AJAP1: variants seen among roughly 807,000 people sequenced by gnomAD.
AJAP1 encodes adherens junction-associated protein 1.
A neutral mutation model predicts 35.0 loss-of-function variants in AJAP1; 5 were observed. The observed-to-expected ratio is 0.14, with a 90% CI of 0.07 to 0.30. AJAP1 has a LOEUF of 0.30. Among genes scored for constraint, AJAP1 ranks in the 10% least tolerant of loss-of-function variants. AJAP1 has a pLI of 1.00. For synonymous variants in AJAP1, 284 were observed against 249.3 expected, an observed-to-expected ratio of 1.14 and a Z score of -1.31; for missense variants, 586 against 571.0, an observed-to-expected ratio of 1.03 and a Z score of -0.27.
Position 4,712,076 on chromosome 1 carries a change from G to A in AJAP1, c.206G>A (p.Gly69Glu). The A allele has an allele frequency of 6.3e-7, 1 of 1,575,730 alleles. No homozygotes were observed. The highest frequency in any genetic ancestry group is 8.6e-7 in the Non-Finnish European group (1 of 1,165,808). Residue 69 changes from glycine (G) to glutamate (E), a missense_variant, in exon 2 of 6, where the codon GGA (glycine) becomes GAA (glutamate). Transcript: ENST00000378191. ...CCCCGGCTGTGGAGTTTTAGGAGTG[G>A]ACAGCCAGCGCGGGTCCCGGCCCCG... is the stretch of plus-strand genomic sequence containing the variant. ...RPPRLWSFRS[G>E]QPARVPAPVW...
chr1:4,682,793 GTAATGATGA>G (rs1007185420), intron 1 of AJAP1, among the ~76,000 whole-genome samples: 1 of 152,042 alleles, frequency 6.6e-6, no homozygotes, highest in Non-Finnish European at 1.5e-5. Context: ...GAGGATAGTG[GTAATGATGA>G]TAATGATGAT....
intron 1 of AJAP1, among the ~76,000 whole-genome samples, chr1:4,701,437 C>T (rs1427570481): frequency 6.6e-6 from 1 of 152,186 alleles, no homozygotes; most frequent in Non-Finnish European, 1.5e-5. Context: ...AGCTGTAGGT[C>T]AGCCATGGAG....
rs373921929 is a variant in AJAP1 at position 4,755,032 on chromosome 1, G to A, written c.830-14821G>A. Among the ~76,000 whole-genome samples, 57 of 152,296 alleles carry A rather than the reference G, an allele frequency of 3.7e-4. No homozygotes were observed. In the East Asian group the frequency reaches 0.01, roughly 28 times the overall value. ...TCTCTGCCTTGGAGCCAGGTGGTAT[G>A]AGCACAGGGATTCTCACCATGTGCC... On this transcript the variant is annotated intron_variant, in intron 2 of 5. Coordinates refer to ENST00000378191, the MANE Select transcript of AJAP1 (RefSeq NM_018836.4).
intron 5 of AJAP1, among the ~76,000 whole-genome samples, chr1:4,780,397 C>T (rs1642035650): frequency 1.3e-5 from 2 of 151,944 alleles, no homozygotes; most frequent in African/African-American, 4.8e-5. Flanking sequence ...GCATTCGTCT[C>T]TACATTTTTT....
At chr1:4,740,017 T>C (rs1008312104) in intron 2 of AJAP1, among the ~76,000 whole-genome samples, 2 of 152,004 alleles carry the variant, frequency 1.3e-5, no homozygotes, top group Non-Finnish European at 2.9e-5. Context: ...CCTGACGGGG[T>C]GTATCTAAAA....
At chr1:4,780,309 C>G (rs1411033612) in intron 5 of AJAP1, among the ~76,000 whole-genome samples, 1 of 152,002 alleles carries the variant, frequency 6.6e-6, no homozygotes, top group African/African-American at 2.4e-5. Context: ...CGTCTCCCCC[C>G]ATCCCCTGGC....
chr1:4,751,286 G>T (rs1019426747), intron 2 of AJAP1, among the ~76,000 whole-genome samples: 2 of 152,184 alleles, frequency 1.3e-5, no homozygotes, highest in South Asian at 4.1e-4. Flanking sequence ...CTCTTCCCTG[G>T]TGGAGGTGGC....
In AJAP1 at chr1:4,787,705, A is replaced by C. The variant is rs1642182168; in HGVS notation, c.*5220A>C. On this transcript the variant is annotated 3_prime_UTR_variant, in exon 6 of 6. Coordinates refer to ENST00000378191, the MANE Select transcript of AJAP1 (RefSeq NM_018836.4). ...CCCTCCCATGTTGGTCCCATCTGTC[A>C]GGTTGCCAGGCCAAGCAGGTCTCAG... is the stretch of plus-strand genomic sequence containing the variant. The C allele has an allele frequency of 2.2e-6, 1 of 455,934 alleles. No homozygotes were observed. Among genetic ancestry groups the C allele is most frequent in the Admixed American group, 2.4e-5 (1 of 42,542 alleles). The allele number at this position is 455,934 out of a possible 1,614,324, so 28.2% of individuals were successfully genotyped here. A position where few individuals can be genotyped will look rare whatever the true frequency, so the allele number is the denominator to read the frequency against.
At chr1:4,713,337 A>G (rs1640311845) in intron 2 of AJAP1, among the ~76,000 whole-genome samples, 1 of 152,236 alleles carries the variant, frequency 6.6e-6, no homozygotes. Context: ...GGGATGTGTC[A>G]GGAGGGTGTT....
chr1:4,774,093 G>C (rs1048221217), intron 4 of AJAP1, among the ~76,000 whole-genome samples: 3 of 152,246 alleles, frequency 2.0e-5, no homozygotes, highest in African/African-American at 7.2e-5. Flanking sequence ...GCCATCAGAG[G>C]CAGAGACCCC....
chr1:4,722,268 T>C (rs1311831167), intron 2 of AJAP1, among the ~76,000 whole-genome samples: 1 of 152,148 alleles, frequency 6.6e-6, no homozygotes, highest in Non-Finnish European at 1.5e-5. Context: ...GTTCCAAGCA[T>C]GTGGGTTAGC....
intron 2 of AJAP1, among the ~76,000 whole-genome samples, chr1:4,763,662 C>T (rs1485313766): frequency 6.6e-6 from 1 of 152,060 alleles, no homozygotes; most frequent in Admixed American, 6.6e-5. Flanking sequence ...TGTTGAGGGC[C>T]CAGGCAGAAC....
At chr1:4,686,668 C>A (rs372864630) in intron 1 of AJAP1, among the ~76,000 whole-genome samples, 2 of 152,204 alleles carry the variant, frequency 1.3e-5, no homozygotes, top group Admixed American at 6.5e-5. Context: ...CCGATCTCAA[C>A]GCCATGAAAT....
rs1451988104 is a variant in AJAP1 at position 4,655,751 on chromosome 1, A to G, written c.29+297A>G. Among the ~76,000 whole-genome samples the G allele has an allele frequency of 2.7e-5, 4 of 149,258 alleles. No homozygotes were observed. Among genetic ancestry groups the G allele is most frequent in the Non-Finnish European group, 6.0e-5 (4 of 67,102 alleles). ...AGGCGCGCCCGCAGCTCTAGGAGCC[A>G]GCAGCGCAGTGTCCTGGCCGGCTGC... On this transcript the variant is annotated intron_variant, in intron 1 of 5. Coordinates refer to ENST00000378191, the MANE Select transcript of AJAP1 (RefSeq NM_018836.4). The surrounding 1 kb of genome is among the most constrained non-coding windows in gnomAD (Gnocchi z 6.9).
At chr1:4,772,079 T>C (rs1641846612) in intron 3 of AJAP1, among the ~76,000 whole-genome samples, 1 of 59,158 alleles carries the variant, frequency 1.7e-5, no homozygotes, top group African/African-American at 6.3e-5. Flanking sequence ...AAAATTCAAA[T>C]TTCATTTTTT....
chr1:4,704,989 C>A (rs571431785), intron 1 of AJAP1, among the ~76,000 whole-genome samples: 1 of 152,284 alleles, frequency 6.6e-6, no homozygotes, highest in South Asian at 2.1e-4. Flanking sequence ...CCTTCACCCA[C>A]TTTTTGATGG....
chr1:4,702,741 C>G (rs1640016112), intron 1 of AJAP1, among the ~76,000 whole-genome samples: 1 of 152,146 alleles, frequency 6.6e-6, no homozygotes, highest in Non-Finnish European at 1.5e-5. Flanking sequence ...GGAGCCTCCG[C>G]TGGGTACTCT....
intron 5 of AJAP1, among the ~76,000 whole-genome samples, chr1:4,780,849 T>C (rs893590604): frequency 2.0e-5 from 3 of 151,998 alleles, no homozygotes; most frequent in Non-Finnish European, 4.4e-5. Context: ...GATGTCTCCT[T>C]TCTTTACATG....
chr1:4,716,328 A>G lies in AJAP1; in HGVS notation c.829+3629A>G, dbSNP rs1282590652. 2.6e-5 allele frequency among the ~76,000 whole-genome samples: 4 copies of G among 152,236 alleles called. No individual in the cohort carries two copies. In the South Asian group the frequency reaches 8.3e-4, roughly 31 times the overall value. ...TGGCTTCAGCTCATGATTGCTGTGT[A>G]CATTTGGGCAACTTGCTTGTCCTCT... On this transcript the variant is annotated intron_variant, in intron 2 of 5. Transcript: ENST00000378191.
Sources: allele counts gnomAD v4.1 joint callset (sites outside exome capture counted in the v4.1 genomes callset), GRCh38; gene constraint gnomAD v4.1.1; non-coding constraint Gnocchi (gnomAD v3.1); transcripts MANE v1.5; gene names NCBI Gene and HGNC (gene_info 2026-07-23, HGNC 2026-07-21).